The following SPTBN4 variants were observed in gnomAD, a reference collection of about 807,000 sequenced individuals.
The protein encoded by SPTBN4 is spectrin beta, non-erythrocytic 4, also known as spectrin beta chain, non-erythrocytic 4.
Under a neutral mutation model 277.8 loss-of-function variants are expected in SPTBN4, and 96 were observed. The observed-to-expected ratio is 0.35, with a 90% confidence interval of 0.29 to 0.41. The LOEUF (loss-of-function observed/expected upper bound fraction) is 0.41. Ranked by LOEUF, SPTBN4 falls within the 10% of genes least tolerant of loss-of-function variation. The probability of loss-of-function intolerance (pLI) is 1.00; values close to 1 mark genes in which losing one functional copy is unlikely to be tolerated. For synonymous variants in SPTBN4, 1,481 were observed against 1,580.3 expected, an observed-to-expected ratio of 0.94 and a Z score of 1.49; for missense variants, 3,006 against 3,595.7, an observed-to-expected ratio of 0.84 and a Z score of 4.19.
intron 2 of SPTBN4, among the ~76,000 whole-genome samples, chr19:40,483,481 T>G (rs1246856306): frequency 6.6e-6 from 1 of 152,200 alleles, no homozygotes; most frequent in Non-Finnish European, 1.5e-5. Context: ...GTAGAAAATA[T>G]ACATTTACTT....
chr19:40,502,862 G>A lies in SPTBN4; in HGVS notation c.1291G>A (p.Ala431Thr). 1 of 1,613,906 alleles carries A rather than the reference G, an allele frequency of 6.2e-7. No individual in the cohort carries two copies. The highest frequency in any genetic ancestry group is 8.5e-7 in the Non-Finnish European group (1 of 1,180,022). ...LIRQEKLELL[A>T]QRFDHKVAMR... ...TCGGCAGGAGAAGCTGGAACTACTGGCACAGAGGTTTGACCACAAGGTGGC... is the reference window on the plus strand; with the variant it reads ...TCGGCAGGAGAAGCTGGAACTACTGACACAGAGGTTTGACCACAAGGTGGC... The change falls in exon 11 of 36, where the codon GCA (alanine) becomes ACA (threonine). Residue 431 changes from alanine (A) to threonine (T), a missense_variant. By Grantham distance (58) the Ala-to-Thr change is moderately conservative (BLOSUM62 0). Transcript: ENST00000598249. This position sits in a 1 kb window ranked among gnomAD's most constrained non-coding sequence, Gnocchi z 4.9.
At position 40,572,387 on chromosome 19, in the gene SPTBN4, T is replaced by G; in HGVS notation, c.7536+7T>G. The G allele has an allele frequency of 6.2e-7, 1 of 1,614,130 alleles. No individual in the cohort carries two copies. The highest frequency in any genetic ancestry group is 8.5e-7 in the Non-Finnish European group (1 of 1,180,008). ...GCTCCAGGCAAAAGATGAGGTGAGA[T>G]CTGGTCCTTTCCTCCCTCTGTGTGG... On this transcript the variant is annotated splice_region_variant and intron_variant, in intron 35 of 35. Transcript: ENST00000598249.
In SPTBN4 at chr19:40,519,014, C is replaced by G. The variant is rs1418082146; in HGVS notation, c.2904-387C>G. ...TACTAAGAGTGGCATTGTTTCGTACCTTTGCAAATCTCTTTAAAGTCTGGT... is the reference window on the plus strand; with the variant it reads ...TACTAAGAGTGGCATTGTTTCGTACGTTTGCAAATCTCTTTAAAGTCTGGT... On this transcript the variant is annotated intron_variant, in intron 15 of 35. Transcript: ENST00000598249. This position sits in a 1 kb window ranked among gnomAD's most constrained non-coding sequence, Gnocchi z 5.7. Among the ~76,000 whole-genome samples, 1 of 152,016 alleles carries G rather than the reference C, an allele frequency of 6.6e-6. No homozygotes were observed. Among genetic ancestry groups the G allele is most frequent in the East Asian group, 1.9e-4 (1 of 5,190 alleles).
rs1386785659 is a variant in SPTBN4 at position 40,519,915 on chromosome 19, G to A, written c.3418G>A (p.Asp1140Asn). 6.4e-7 allele frequency: 1 copy of A among 1,557,808 alleles called. No homozygotes were observed. Among genetic ancestry groups the A allele is most frequent in the Non-Finnish European group, 8.6e-7 (1 of 1,159,216 alleles). The change falls in exon 16 of 36, where the codon GAC becomes AAC. Residue 1140 changes from aspartate (D) to asparagine (N), a missense_variant. Physicochemically the swap from Asp to Asn is conservative, Grantham distance 23. Transcript: ENST00000598249. The surrounding 1 kb of genome is among the most constrained non-coding windows in gnomAD (Gnocchi z 5.7). ...CCACGCTGCGCTCAAGGAGGAGGTG[G>A]ACCAGCGCGAGGAAGACTATGCTCG... ...ARHAALKEEV[D>N]QREEDYARIV...
At chr19:40,556,425 C>A in intron 25 of SPTBN4, 137 bp downstream of exon 25, 1 of 748,454 alleles carries the variant, frequency 1.3e-6, no homozygotes, top group Non-Finnish European at 2.1e-6. Flanking sequence ...GTTAATATAA[C>A]GTAAAGCACT....
intron 2 of SPTBN4, among the ~76,000 whole-genome samples, chr19:40,486,909 C>A (rs2080078412): frequency 6.6e-6 from 1 of 152,120 alleles, no homozygotes; most frequent in Non-Finnish European, 1.5e-5. Context: ...GGGTCACAAG[C>A]AGGGAAGGCT....
chr19:40,512,364 G>A (rs2080399985), intron 13 of SPTBN4, among the ~76,000 whole-genome samples: 1 of 152,228 alleles, frequency 6.6e-6, no homozygotes, highest in African/African-American at 2.4e-5. Flanking sequence ...GGGGGAGACA[G>A]GACAAGGCAA....
intron 14 of SPTBN4, among the ~76,000 whole-genome samples, chr19:40,514,246 GAA>G (rs2080428494): frequency 1.3e-5 from 2 of 152,218 alleles, no homozygotes; most frequent in South Asian, 4.1e-4. Flanking sequence ...GGCACTGCTG[GAA>G]ACACAGGGCT....
In SPTBN4 at chr19:40,568,134, C is replaced by T; in HGVS notation, c.6808C>T (p.Gln2270Ter). The change falls in exon 31 of 36, where the codon CAG (glutamine) becomes TAG (stop). Residue 2270 changes from glutamine (Q) to a stop codon, truncating the protein, a stop_gained. Transcript: ENST00000598249. LOFTEE classifies it high-confidence loss of function. ...TGCGCGGAGGCGGCGGCCGGAGCGG[C>T]AGGAGTCAGCGGAGCACGAGGCGGC... ...EAARRRRPER[Q>*]ESAEHEAAHS... 6.3e-7 allele frequency: 1 copy of T among 1,576,908 alleles called. No individual in the cohort carries two copies. Among genetic ancestry groups the T allele is most frequent in the Non-Finnish European group, 8.6e-7 (1 of 1,161,956 alleles).
chr19:40,562,774 C>T (rs953859834), intron 27 of SPTBN4, among the ~76,000 whole-genome samples: 4 of 151,518 alleles, frequency 2.6e-5, no homozygotes, highest in Non-Finnish European at 5.9e-5. Flanking sequence ...GCGGAGGTTG[C>T]GGTGAGCCAA....
Position 40,502,526 on chromosome 19 carries a change from G to T in SPTBN4, c.1203+19G>T, listed in dbSNP as rs375132389. 101 of 1,597,288 alleles carry T rather than the reference G, an allele frequency of 6.3e-5. No homozygotes were observed. The African/African-American group carries it at 1.0e-3, about 16-fold the overall frequency. On this transcript the variant is annotated intron_variant, in intron 10 of 35. Coordinates refer to ENST00000598249, the MANE Select transcript of SPTBN4 (RefSeq NM_020971.3). The surrounding 1 kb of genome is among the most constrained non-coding windows in gnomAD (Gnocchi z 4.9). Reference sequence around the variant, plus strand: ...TGACAAGGTGAGGCCGGGGATGCAGGGGAGAGGCGGGGTTGCACTGTGGAG... The same window carrying T: ...TGACAAGGTGAGGCCGGGGATGCAGTGGAGAGGCGGGGTTGCACTGTGGAG...
intron 11 of SPTBN4, among the ~76,000 whole-genome samples, 153 bp from the exon 12 acceptor site, chr19:40,503,677 A>T (rs2080289165): frequency 6.6e-6 from 1 of 151,946 alleles, no homozygotes; most frequent in Non-Finnish European, 1.5e-5. Flanking sequence ...TACCTGGGTA[A>T]CAGGGGAGGA....
At chr19:40,500,482 T>G (rs1302696305) in intron 7 of SPTBN4, among the ~76,000 whole-genome samples, 1 of 152,196 alleles carries the variant, frequency 6.6e-6, no homozygotes, top group Non-Finnish European at 1.5e-5. Context: ...ATTTAGCACC[T>G]ACTGTGTGCT....
At chr19:40,493,119 T>C (rs1447882727) in intron 5 of SPTBN4, 65 bp downstream of exon 5, 2 of 1,505,744 alleles carry the variant, frequency 1.3e-6, no homozygotes, top group African/African-American at 2.8e-5. Context: ...TGCAATTCCT[T>C]CCCAGACAAG....
At chr19:40,529,974 C>T (rs2080643679) in intron 18 of SPTBN4, among the ~76,000 whole-genome samples, 1 of 152,130 alleles carries the variant, frequency 6.6e-6, no homozygotes, top group South Asian at 2.1e-4. Context: ...TTGTTCTCTC[C>T]GCACACGGAA....
intron 22 of SPTBN4, among the ~76,000 whole-genome samples, chr19:40,550,791 T>C (rs1285525125): frequency 6.6e-6 from 1 of 152,122 alleles, no homozygotes; most frequent in African/African-American, 2.4e-5. Context: ...AGTGCTGAGA[T>C]TACAGGTGTG....
At chr19:40,471,905 A>AC (rs1568750509) in intron 1 of SPTBN4, among the ~76,000 whole-genome samples, 1 of 109,386 alleles carries the variant, frequency 9.1e-6, no homozygotes, top group African/African-American at 3.3e-5. Context: ...ACATCCAGCT[A>AC]TTTTTTTTTT....
At chr19:40,549,441 G>A in intron 21 of SPTBN4, 28 bp downstream of exon 21, 1 of 1,253,178 alleles carries the variant, frequency 8.0e-7, no homozygotes, top group Non-Finnish European at 1.1e-6. Flanking sequence ...GCCTGGGGCG[G>A]GGCGGGGCGG....
At chr19:40,472,161 T>C (rs2079892465) in intron 1 of SPTBN4, among the ~76,000 whole-genome samples, 1 of 151,886 alleles carries the variant, frequency 6.6e-6, no homozygotes, top group African/African-American at 2.4e-5. Context: ...CGCCCGCCTC[T>C]GCCTCCCAAA....
Sources: gnomAD v4.1 joint callset for allele counts (sites outside exome capture counted in the v4.1 genomes callset) on GRCh38, gnomAD v4.1.1 for gene constraint, Gnocchi (gnomAD v3.1) non-coding constraint, MANE v1.5 for transcripts, NCBI Gene and HGNC (gene_info 2026-07-23, HGNC 2026-07-21) for gene names.